The following MIS18A variants were observed in gnomAD, a reference collection of about 807,000 sequenced individuals.
The protein encoded by MIS18A is protein Mis18-alpha.
A neutral mutation model predicts 25.0 loss-of-function variants in MIS18A; 14 were observed. The observed-to-expected ratio is 0.56, with a 90% CI of 0.37 to 0.88. The LOEUF (loss-of-function observed/expected upper bound fraction) is 0.88. MIS18A is among the 40% of genes least tolerant of loss of function. MIS18A has a pLI of 0.00. For synonymous variants in MIS18A, 134 were observed against 118.6 expected (o/e 1.13, Z -0.84); for missense variants, 292 against 290.8 (o/e 1.00, Z -0.03).
chr21:32,212,193 G>A, the MIS18A span, among the ~76,000 whole-genome samples: 1 of 152,102 alleles, frequency 6.6e-6, no homozygotes, highest in African/African-American at 2.4e-5. Context: ...TGAATAACTG[G>A]GTGGCTTCCT....
the MIS18A span, among the ~76,000 whole-genome samples, chr21:32,185,529 A>G: frequency 6.6e-6 from 1 of 152,152 alleles, no homozygotes; most frequent in Non-Finnish European, 1.5e-5. Flanking sequence ...CAGACTTCTC[A>G]GTAATAAAAG....
the MIS18A span, among the ~76,000 whole-genome samples, chr21:32,257,407 C>G: frequency 1.3e-5 from 2 of 152,146 alleles, no homozygotes; most frequent in African/African-American, 2.4e-5. Context: ...AAGACATGCA[C>G]CTGGTGCCAC....
At chr21:32,194,575 C>G in the MIS18A span, among the ~76,000 whole-genome samples, 6 of 151,954 alleles carry the variant, frequency 3.9e-5, no homozygotes, top group Admixed American at 3.9e-4. Context: ...AGGAGAATCG[C>G]TTGAACCTGG....
At chr21:32,251,439 G>C in the MIS18A span, among the ~76,000 whole-genome samples, 1 of 151,372 alleles carries the variant, frequency 6.6e-6, no homozygotes, top group African/African-American at 2.4e-5. Context: ...CCCTCTTCAG[G>C]TTGGCTAACC....
the MIS18A span, among the ~76,000 whole-genome samples, chr21:32,226,293 A>G: frequency 1.0e-4 from 13 of 128,048 alleles, no homozygotes; most frequent in African/African-American, 4.1e-4. Flanking sequence ...AAAAAAAAGA[A>G]AAAAAAAAGT....
the MIS18A span, among the ~76,000 whole-genome samples, chr21:32,168,265 C>T: frequency 6.6e-6 from 1 of 152,208 alleles, no homozygotes; most frequent in South Asian, 2.1e-4. Flanking sequence ...GTTTAAGCCA[C>T]TCAGTTTGTG....
the MIS18A span, among the ~76,000 whole-genome samples, chr21:32,180,762 T>C: frequency 6.6e-6 from 1 of 152,208 alleles, no homozygotes; most frequent in African/African-American, 2.4e-5. Flanking sequence ...AAGGAGCTTC[T>C]CCCTACGAGC....
At chr21:32,264,977 C>G (rs938374251), downstream of MIS18A, among the ~76,000 whole-genome samples, 15 of 152,180 alleles carry the variant, frequency 9.9e-5, no homozygotes, top group African/African-American at 3.4e-4. Flanking sequence ...CATCCAGTTA[C>G]AACAATCTTT....
chr21:32,212,988 A>G, the MIS18A span, among the ~76,000 whole-genome samples: 1 of 152,226 alleles, frequency 6.6e-6, no homozygotes, highest in African/African-American at 2.4e-5. Flanking sequence ...AGAACAGGCT[A>G]ATACAATTAT....
chr21:32,271,004 T>C (rs150318393), intron 2 of MIS18A, among the ~76,000 whole-genome samples: 3,616 of 152,282 alleles, frequency 0.024, 77 homozygotes, highest in Non-Finnish European at 0.031. Flanking sequence ...TCTGCTCTAG[T>C]GGAAGGTAAT....
the MIS18A span, among the ~76,000 whole-genome samples, chr21:32,203,173 C>G: frequency 7.0e-6 from 1 of 143,146 alleles, no homozygotes; most frequent in Admixed American, 6.9e-5. Flanking sequence ...AAATATAAAA[C>G]AGAAAAGAGA....
At chr21:32,229,860 C>T in the MIS18A span, among the ~76,000 whole-genome samples, 2 of 152,336 alleles carry the variant, frequency 1.3e-5, no homozygotes, top group South Asian at 2.1e-4. Context: ...ATTTCCTAAA[C>T]ATCAGCAATT....
At chr21:32,189,160 C>T in the MIS18A span, among the ~76,000 whole-genome samples, 4 of 152,198 alleles carry the variant, frequency 2.6e-5, no homozygotes, top group Non-Finnish European at 5.9e-5. Context: ...TGTGCAGGTG[C>T]ATCAGAAGGG....
At chr21:32,271,595 G>A (rs762121598) in intron 2 of MIS18A, among the ~76,000 whole-genome samples, 40 of 152,052 alleles carry the variant, frequency 2.6e-4, no homozygotes, top group Non-Finnish European at 4.9e-4. Context: ...AAGTGTCTAC[G>A]GGCTTTTATA....
Position 32,274,781 on chromosome 21 carries a change from T to C in MIS18A, c.401+49A>G, listed in dbSNP as rs575727536. On this transcript the variant is annotated intron_variant, in intron 2 of 4. Transcript: ENST00000290130. ...CTAGTAATGACCTTTTAAAGATTTTTATTAAAGAAAATTCTCTAACATATT... is the reference window on the plus strand; with the variant it reads ...CTAGTAATGACCTTTTAAAGATTTTCATTAAAGAAAATTCTCTAACATATT... 3.4e-5 allele frequency: 49 copies of C among 1,450,536 alleles called. No individual in the cohort carries two copies. In the Admixed American group the frequency reaches 5.6e-4, roughly 17 times the overall value. The allele number at this position is 1,450,536 out of a possible 1,614,324, so 89.9% of individuals were successfully genotyped here.
the MIS18A span, among the ~76,000 whole-genome samples, chr21:32,191,136 T>A: frequency 6.6e-6 from 1 of 152,224 alleles, no homozygotes; most frequent in Non-Finnish European, 1.5e-5. Flanking sequence ...TGGCATATAA[T>A]AAGTGCTCAA....
downstream of MIS18A, among the ~76,000 whole-genome samples, chr21:32,263,849 G>A (rs2031550938): frequency 6.8e-6 from 1 of 146,480 alleles, no homozygotes; most frequent in South Asian, 2.2e-4. Flanking sequence ...TTTCTCAGGT[G>A]TAAATATCCC....
At chr21:32,278,658 C>T (rs543744279) in intron 1 of MIS18A, 23 bp downstream of exon 1, 1 of 1,495,304 alleles carries the variant, frequency 6.7e-7, no homozygotes, top group Non-Finnish European at 8.9e-7. Flanking sequence ...CACGCCCCCC[C>T]TGCCCGGCTC....
chr21:32,263,693 G>A (rs1289348370), downstream of MIS18A, among the ~76,000 whole-genome samples: 1 of 151,846 alleles, frequency 6.6e-6, no homozygotes, highest in Non-Finnish European at 1.5e-5. Context: ...GTTAGGACTT[G>A]TTCTTTTGGG....
Sources: gnomAD v4.1 joint callset for allele counts (sites outside exome capture counted in the v4.1 genomes callset) on GRCh38, gnomAD v4.1.1 for gene constraint, MANE v1.5 for transcripts, NCBI Gene and HGNC (gene_info 2026-07-23, HGNC 2026-07-21) for gene names.